The following CFAP61 variants were observed in gnomAD, a reference collection of about 807,000 sequenced individuals.
The protein encoded by CFAP61 is cilia and flagella associated protein 61.
Under a neutral mutation model 135.6 loss-of-function variants are expected in CFAP61, and 107 were observed. The ratio of observed to expected loss-of-function variants is 0.79; its 90% CI spans 0.67 to 0.93. The LOEUF (loss-of-function observed/expected upper bound fraction) is 0.93. Ranked by LOEUF, CFAP61 falls within the 40% of genes least tolerant of loss-of-function variation. The probability of loss-of-function intolerance (pLI) is 0.00; values close to 1 mark genes in which losing one functional copy is unlikely to be tolerated. For missense variants in CFAP61, 1,507 were observed against 1,556.2 expected, an observed-to-expected ratio of 0.97 and a Z score of 0.53; for synonymous variants, 575 against 578.5, an observed-to-expected ratio of 0.99 and a Z score of 0.09.
chr20:20,263,350 A>G (rs2052425682), intron 21 of CFAP61, among the ~76,000 whole-genome samples: 2 of 152,346 alleles, frequency 1.3e-5, no homozygotes, highest in South Asian at 4.1e-4. Context: ...AGATAGTTTA[A>G]TTATCTATAA....
intron 20 of CFAP61, among the ~76,000 whole-genome samples, chr20:20,255,935 C>T (rs1446458916): frequency 6.6e-6 from 1 of 152,198 alleles, no homozygotes; most frequent in East Asian, 1.9e-4. Flanking sequence ...CATACAGTGC[C>T]TCCTGGATTG....
intron 6 of CFAP61, among the ~76,000 whole-genome samples, chr20:20,077,864 C>T (rs558563571): frequency 1.3e-5 from 2 of 152,276 alleles, no homozygotes; most frequent in East Asian, 3.9e-4. Flanking sequence ...AGGTAGCAGG[C>T]TTCAGAGAGA....
intron 6 of CFAP61, among the ~76,000 whole-genome samples, chr20:20,083,829 C>T (rs1272830652): frequency 6.6e-6 from 1 of 152,154 alleles, no homozygotes; most frequent in African/African-American, 2.4e-5. Context: ...ATCAGATGTG[C>T]TTTGAAAAGC....
chr20:20,246,303 T>A, intron 19 of CFAP61, 88 bp downstream of exon 19: 1 of 881,776 alleles, frequency 1.1e-6, no homozygotes, highest in Non-Finnish European at 1.9e-6. Context: ...AGATTTCAGA[T>A]TGGAAAAGGA....
At chr20:20,238,952 T>G (rs1294467313) in intron 18 of CFAP61, among the ~76,000 whole-genome samples, 1 of 151,944 alleles carries the variant, frequency 6.6e-6, no homozygotes, top group Non-Finnish European at 1.5e-5. Context: ...GCACTTAACT[T>G]GAAACTTTTT....
chr20:20,206,785 G>A (rs1029110223), intron 17 of CFAP61, among the ~76,000 whole-genome samples: 4 of 151,830 alleles, frequency 2.6e-5, no homozygotes, highest in Non-Finnish European at 4.4e-5. Flanking sequence ...TTTGGGGGGC[G>A]GTGTCTATAC....
At chr20:20,079,014 T>C (rs1209314682) in intron 6 of CFAP61, among the ~76,000 whole-genome samples, 1 of 152,190 alleles carries the variant, frequency 6.6e-6, no homozygotes, top group Non-Finnish European at 1.5e-5. Flanking sequence ...GCCAACTACT[T>C]TAGGAACACA....
chr20:20,118,400 G>A (rs2049348658), intron 8 of CFAP61, among the ~76,000 whole-genome samples: 1 of 148,682 alleles, frequency 6.7e-6, no homozygotes, highest in Non-Finnish European at 1.5e-5. Context: ...GAGTGCAATG[G>A]CATGGTCTCG....
At chr20:20,068,906 A>G (rs2146562401) in intron 2 of CFAP61, among the ~76,000 whole-genome samples, 1 of 152,172 alleles carries the variant, frequency 6.6e-6, no homozygotes, top group East Asian at 1.9e-4. Flanking sequence ...CATCACGCCC[A>G]GCTGATGTTT....
intron 25 of CFAP61, among the ~76,000 whole-genome samples, chr20:20,340,203 ATTG>A (rs2058385358): frequency 6.6e-6 from 1 of 152,194 alleles, no homozygotes; most frequent in Non-Finnish European, 1.5e-5. Flanking sequence ...TGTGATGTGT[ATTG>A]TTGTGTGGTT....
chr20:20,325,219 A>C (rs1028704529), intron 25 of CFAP61, among the ~76,000 whole-genome samples: 3 of 152,236 alleles, frequency 2.0e-5, no homozygotes, highest in African/African-American at 4.8e-5. Flanking sequence ...CTGATGAAAC[A>C]ATATTGATAC....
intron 8 of CFAP61, among the ~76,000 whole-genome samples, chr20:20,119,080 C>A (rs1335994488): frequency 2.0e-5 from 3 of 151,910 alleles, no homozygotes; most frequent in African/African-American, 7.3e-5. Context: ...CTGTAGTTTT[C>A]TTTTTTTGTT....
chr20:20,169,463 G>T lies in CFAP61; in HGVS notation c.1385+3G>T, dbSNP rs2054066020. The T allele has an allele frequency of 6.2e-7, 1 of 1,605,828 alleles. No individual in the cohort carries two copies. Among genetic ancestry groups the T allele is most frequent in the African/African-American group, 1.3e-5 (1 of 74,814 alleles). On this transcript the variant is annotated splice_donor_region_variant and intron_variant, in intron 13 of 26. Coordinates refer to ENST00000245957, the MANE Select transcript of CFAP61 (RefSeq NM_015585.4). Reference sequence around the variant, plus strand: ...TTCCACCGGGCTGGATTGCTCAAGTGAGTAGACACATGTTTGGCCACACAA... The same window carrying T: ...TTCCACCGGGCTGGATTGCTCAAGTTAGTAGACACATGTTTGGCCACACAA...
intron 8 of CFAP61, among the ~76,000 whole-genome samples, chr20:20,137,146 G>A (rs1162578431): frequency 2.0e-5 from 3 of 152,204 alleles, no homozygotes; most frequent in Non-Finnish European, 2.9e-5. Context: ...CTGAAGCTGG[G>A]GGAGGGGTGA....
chr20:20,240,524 C>G (rs182460145), intron 18 of CFAP61, among the ~76,000 whole-genome samples: 1 of 152,236 alleles, frequency 6.6e-6, no homozygotes, highest in Non-Finnish European at 1.5e-5. Context: ...TCCCTGTAAC[C>G]CTGCATACAC....
intron 3 of CFAP61, 26 bp from the exon 4 acceptor site, chr20:20,074,276 A>T: frequency 1.2e-6 from 2 of 1,606,582 alleles, no homozygotes; most frequent in African/African-American, 1.3e-5. Context: ...CTCAGCCTTT[A>T]ATCCGTGTTC....
rs73127425 is a variant in CFAP61, at chr20:20,202,687, C to T, written c.1932+2785C>T. ...AGAGCAATAGCATTGCAGTAGCAAA[C>T]TGTGCAAGGCTGAGCAACTGTCATT... On this transcript the variant is annotated intron_variant, in intron 17 of 26. Transcript: ENST00000245957. Among the ~76,000 whole-genome samples, 461 of 152,210 alleles carry T rather than the reference C, an allele frequency of 3.0e-3. 2 individuals carry two copies. The highest frequency in any genetic ancestry group is 5.4e-3 in the Non-Finnish European group (367 of 68,014).
intron 13 of CFAP61, among the ~76,000 whole-genome samples, chr20:20,174,480 A>C (rs2054461966): frequency 6.6e-6 from 1 of 152,236 alleles, no homozygotes; most frequent in Non-Finnish European, 1.5e-5. Flanking sequence ...CTCCTCTTTA[A>C]TTCTTTAAAC....
At chr20:20,299,585 G>C (rs562477074) in intron 25 of CFAP61, among the ~76,000 whole-genome samples, 48 of 152,292 alleles carry the variant, frequency 3.2e-4, no homozygotes, top group Non-Finnish European at 6.6e-4. Context: ...TGTGTACTTA[G>C]ACACATGTGA....
Sources: allele counts gnomAD v4.1 joint callset (sites outside exome capture counted in the v4.1 genomes callset), GRCh38; gene constraint gnomAD v4.1.1; transcripts MANE v1.5; gene names NCBI Gene and HGNC (gene_info 2026-07-23, HGNC 2026-07-21).